Variants in KCNIP4 observed in about 807,000 individuals in gnomAD.
KCNIP4 encodes the protein Kv channel-interacting protein 4.
KCNIP4 carries 12 observed loss-of-function variants against 34.0 expected under a neutral mutation model. The ratio of observed to expected loss-of-function variants is 0.35; its 90% confidence interval spans 0.23 to 0.57. The LOEUF (loss-of-function observed/expected upper bound fraction) is 0.57. Ranked by LOEUF, KCNIP4 falls within the 20% of genes least tolerant of loss-of-function variation. The pLI is 0.83. For synonymous variants in KCNIP4, 124 were observed against 102.2 expected (o/e 1.21, Z -1.29); for missense variants, 238 against 311.7 (o/e 0.76, Z 1.78).
At chr4:21,279,508 T>A (rs1381031546) in intron 1 of KCNIP4, among the ~76,000 whole-genome samples, 1 of 142,408 alleles carries the variant, frequency 7.0e-6, no homozygotes, top group Non-Finnish European at 1.6e-5. Flanking sequence ...TATACATACA[T>A]ACATATACAC....
chr4:21,646,632 A>C (rs1040684966), intron 1 of KCNIP4, among the ~76,000 whole-genome samples: 1 of 152,284 alleles, frequency 6.6e-6, no homozygotes, highest in Admixed American at 6.5e-5. Context: ...GCCATGCCCC[A>C]TGGTTGGCAA....
At chr4:21,452,383 G>T (rs1418982770) in intron 1 of KCNIP4, among the ~76,000 whole-genome samples, 1 of 150,910 alleles carries the variant, frequency 6.6e-6, no homozygotes, top group Non-Finnish European at 1.5e-5. Context: ...TTCTGGAAAG[G>T]TTTGAGTCTT....
At chr4:21,753,573 A>C (rs1577941974) in intron 1 of KCNIP4, among the ~76,000 whole-genome samples, 1 of 152,198 alleles carries the variant, frequency 6.6e-6, no homozygotes, top group Non-Finnish European at 1.5e-5. Context: ...GTAAGCCAAC[A>C]GCAAATCAGA....
At chr4:21,881,759 G>T (rs914022385) in intron 1 of KCNIP4, among the ~76,000 whole-genome samples, 1 of 152,144 alleles carries the variant, frequency 6.6e-6, no homozygotes, top group Non-Finnish European at 1.5e-5. Flanking sequence ...ATTGCAAGTA[G>T]TCCATTGTTA....
intron 2 of KCNIP4, among the ~76,000 whole-genome samples, chr4:20,864,433 C>T (rs992283265): frequency 6.6e-6 from 1 of 150,698 alleles, no homozygotes; most frequent in African/African-American, 2.4e-5. Context: ...TCATAAAATC[C>T]CCATCAGCGT....
rs571607254 is a variant in KCNIP4, at chr4:21,399,363, G to A, written c.62-516654C>T. Among the ~76,000 whole-genome samples, 335 of 152,300 alleles carry A rather than the reference G, an allele frequency of 2.2e-3. 3 individuals are homozygous for A. Among genetic ancestry groups the A allele is most frequent in the African/African-American group, 7.7e-3 (319 of 41,588 alleles). On this transcript the variant is annotated intron_variant, in intron 1 of 8. Transcript: ENST00000382152. ...CTGACCCTCACAGGATGTGATGCAG[G>A]CATTGTCTGCAACCACCTAGCACCA...
At chr4:21,019,011 C>A (rs1033923315) in intron 1 of KCNIP4, among the ~76,000 whole-genome samples, 8 of 152,174 alleles carry the variant, frequency 5.3e-5, no homozygotes, top group African/African-American at 1.9e-4. Flanking sequence ...ACTCTTCTAG[C>A]AGCTAAAAAT....
intron 1 of KCNIP4, among the ~76,000 whole-genome samples, chr4:20,919,417 AG>A (rs576868167): frequency 0.066 from 9,931 of 150,970 alleles, 442 homozygotes; most frequent in Non-Finnish European, 0.099. Context: ...TAAAAAAAAA[AG>A]ATAGATCGGG....
At chr4:21,733,022 A>G (rs1184059255) in intron 1 of KCNIP4, among the ~76,000 whole-genome samples, 3 of 152,244 alleles carry the variant, frequency 2.0e-5, no homozygotes, top group African/African-American at 7.2e-5. Context: ...AATAGAAAAT[A>G]GAAAACTTTC....
At chr4:20,958,373 C>T (rs1033463879) in intron 1 of KCNIP4, among the ~76,000 whole-genome samples, 3 of 152,160 alleles carry the variant, frequency 2.0e-5, no homozygotes, top group South Asian at 2.1e-4. Flanking sequence ...AGTCAGACTT[C>T]GACCAAAGTC....
At chr4:21,269,808 G>A (rs1762032642) in intron 1 of KCNIP4, among the ~76,000 whole-genome samples, 1 of 152,142 alleles carries the variant, frequency 6.6e-6, no homozygotes, top group Non-Finnish European at 1.5e-5. Context: ...GAAAAGGATG[G>A]CAGCTGCATA....
At chr4:20,967,433 A>C (rs185876169) in intron 1 of KCNIP4, among the ~76,000 whole-genome samples, 1 of 152,180 alleles carries the variant, frequency 6.6e-6, no homozygotes, top group South Asian at 2.1e-4. Context: ...AAACTACTTT[A>C]AAGTTCATAT....
intron 3 of KCNIP4, among the ~76,000 whole-genome samples, chr4:20,843,087 T>C (rs1384171177): frequency 6.6e-6 from 1 of 151,950 alleles, no homozygotes; most frequent in Non-Finnish European, 1.5e-5. Flanking sequence ...TTTGTATTTT[T>C]AGTAGATATG....
intron 1 of KCNIP4, among the ~76,000 whole-genome samples, chr4:21,011,032 A>G (rs866512325): frequency 1.3e-5 from 2 of 152,220 alleles, no homozygotes; most frequent in Non-Finnish European, 2.9e-5. Flanking sequence ...TCCCGATGAA[A>G]TCAGTAGCAA....
chr4:21,756,161 A>G (rs1717504198), intron 1 of KCNIP4, among the ~76,000 whole-genome samples: 1 of 152,230 alleles, frequency 6.6e-6, no homozygotes, highest in South Asian at 2.1e-4. Context: ...AAATGCAGAT[A>G]CATTTCTCCT....
At chr4:21,781,910 T>C (rs1214170347) in intron 1 of KCNIP4, among the ~76,000 whole-genome samples, 1 of 151,992 alleles carries the variant, frequency 6.6e-6, no homozygotes, top group African/African-American at 2.4e-5. Flanking sequence ...GCATATATAG[T>C]TTAATAGCTA....
intron 1 of KCNIP4, among the ~76,000 whole-genome samples, chr4:21,030,934 A>T (rs1036938920): frequency 6.6e-6 from 1 of 152,174 alleles, no homozygotes; most frequent in Middle Eastern, 3.2e-3. Context: ...AGATAGTCTC[A>T]TTCAGAGCTA....
At chr4:21,023,778 A>G (rs1183630603) in intron 1 of KCNIP4, among the ~76,000 whole-genome samples, 3 of 152,078 alleles carry the variant, frequency 2.0e-5, no homozygotes, top group Non-Finnish European at 2.9e-5. Context: ...GCTACTCAGG[A>G]GGTTAAGGTA....
chr4:21,074,907 T>A (rs569632415), intron 1 of KCNIP4, among the ~76,000 whole-genome samples: 4 of 152,206 alleles, frequency 2.6e-5, no homozygotes, highest in Admixed American at 2.0e-4. Flanking sequence ...CCAGTAGTCA[T>A]TCAGGAGCAG....
Sources: gnomAD v4.1 joint callset for allele counts (sites outside exome capture counted in the v4.1 genomes callset) on GRCh38, gnomAD v4.1.1 for gene constraint, MANE v1.5 for transcripts, NCBI Gene and HGNC (gene_info 2026-07-23, HGNC 2026-07-21) for gene names.